USP28: variants seen among roughly 807,000 people sequenced by gnomAD.
USP28 encodes the protein ubiquitin carboxyl-terminal hydrolase 28.
Under a neutral mutation model 145.0 loss-of-function variants are expected in USP28, and 113 were observed. The ratio of observed to expected loss-of-function variants is 0.78; its 90% CI spans 0.67 to 0.91. The LOEUF (loss-of-function observed/expected upper bound fraction) is 0.91, where lower values mean the gene tolerates loss of function less well. USP28 is among the 40% of genes least tolerant of loss of function. The pLI, the probability that USP28 is intolerant of heterozygous loss-of-function variation, is 0.00. For synonymous variants in USP28, 447 were observed against 450.9 expected, an observed-to-expected ratio of 0.99 and a Z score of 0.11; for missense variants, 1,201 against 1,289.6, an observed-to-expected ratio of 0.93 and a Z score of 1.05.
At chr11:113,812,529 C>T in intron 15 of USP28, 25 bp from the exon 16 acceptor site, 2 of 1,603,466 alleles carry the variant, frequency 1.2e-6, no homozygotes, top group Non-Finnish European at 1.7e-6. Flanking sequence ...GTACATTCCC[C>T]AGTCAGGTGA....
chr11:113,822,440 C>A (rs1354259217), intron 12 of USP28: 1 of 147,476 alleles, frequency 6.8e-6, no homozygotes, highest in African/African-American at 2.6e-5. Flanking sequence ...CAAAGCGACA[C>A]TCCATCTTCA....
intron 1 of USP28, among the ~76,000 whole-genome samples, chr11:113,860,276 T>A (rs1005660277): frequency 6.6e-6 from 1 of 152,152 alleles, no homozygotes; most frequent in African/African-American, 2.4e-5. Context: ...TTTCCTGATA[T>A]CAATTGTCTA....
At chr11:113,816,515 A>AAAAC (rs1037545486) in intron 13 of USP28, among the ~76,000 whole-genome samples, 26 of 152,220 alleles carry the variant, frequency 1.7e-4, no homozygotes, top group African/African-American at 3.9e-4. Context: ...CCATCTCAAA[A>AAAAC]AAACAAACAA....
chr11:113,802,697 T>G (rs1006861083), intron 23 of USP28, among the ~76,000 whole-genome samples: 1 of 152,066 alleles, frequency 6.6e-6, no homozygotes, highest in Non-Finnish European at 1.5e-5. Flanking sequence ...ACCTTTATTT[T>G]AAAAAAATGG....
intron 3 of USP28, among the ~76,000 whole-genome samples, chr11:113,842,463 T>C (rs1188337491): frequency 6.6e-6 from 1 of 151,860 alleles, no homozygotes; most frequent in Non-Finnish European, 1.5e-5. Flanking sequence ...CGGGCGCCTG[T>C]AGTCCCAGCT....
chr11:113,815,351 C>G (rs2135486447), exon 14 of USP28: 1 of 1,614,108 alleles, frequency 6.2e-7, no homozygotes, highest in African/African-American at 1.3e-5. Context: ...AAGGTACTTT[C>G]AACATCCTGA....
intron 5 of USP28, among the ~76,000 whole-genome samples, chr11:113,837,807 G>T (rs188382038): frequency 6.6e-6 from 1 of 152,014 alleles, no homozygotes; most frequent in Non-Finnish European, 1.5e-5. Flanking sequence ...GAACATTTTC[G>T]TATCACCACA....
At chr11:113,854,465 G>C in intron 1 of USP28, 130 bp from the exon 2 acceptor site, 1 of 749,918 alleles carries the variant, frequency 1.3e-6, no homozygotes, top group Non-Finnish European at 2.1e-6. Context: ...GCAGTGGCCG[G>C]ATCTCGGCTC....
Position 113,831,058 on chromosome 11 carries a change from C to T in USP28, c.834-115G>A, listed in dbSNP as rs185617228. The stretch of plus-strand genomic sequence containing the variant: ...TGCATTTTCATCAACCCCCAAAGAG[C>T]CAGGTATGATCTAAATAAGTAACAA... On this transcript the variant is annotated intron_variant, in intron 8 of 24. Transcript: ENST00000003302. 2.3e-4 allele frequency: 221 copies of T among 967,766 alleles called. 1 individual carries two copies. In the East Asian group the frequency reaches 5.0e-3, roughly 22 times the overall value. 59.9% of individuals were successfully genotyped at this position (967,766 alleles called of 1,614,324 possible).
intron 5 of USP28, among the ~76,000 whole-genome samples, chr11:113,834,696 G>T (rs1314983406): frequency 6.6e-6 from 1 of 152,012 alleles, no homozygotes; most frequent in Non-Finnish European, 1.5e-5. Flanking sequence ...GGGATTACAA[G>T]CATAAGCCAC....
At chr11:113,809,899 G>A (rs918506948) in intron 16 of USP28, among the ~76,000 whole-genome samples, 1 of 152,146 alleles carries the variant, frequency 6.6e-6, no homozygotes, top group African/African-American at 2.4e-5. Context: ...GTCAAGCGTG[G>A]TGGCGCATGC....
In USP28 at chr11:113,866,890, T is replaced by G. The variant is rs961385204; in HGVS notation, c.57+8555A>C. On this transcript the variant is annotated intron_variant, in intron 1 of 24. Coordinates refer to ENST00000003302, the Ensembl canonical transcript of USP28. ...ATAATAACCAAAAGGTGTAAATAAC[T>G]CAAATGTCCGTCAATGGAAGAATGG... is the stretch of plus-strand genomic sequence containing the variant. Among the ~76,000 whole-genome samples, 6 of 152,278 alleles carry G rather than the reference T, an allele frequency of 3.9e-5. No homozygotes were observed. The Middle Eastern group carries it at 0.017, about 432-fold the overall frequency.
At chr11:113,807,884 T>C in intron 18 of USP28, 67 bp downstream of exon 19, 1 of 961,118 alleles carries the variant, frequency 1.0e-6, no homozygotes, top group Non-Finnish European at 1.2e-6. Context: ...GATACCTTAA[T>C]ATAGTCACAA....
chr11:113,816,195 A>G (rs765435791), intron 13 of USP28, among the ~76,000 whole-genome samples: 4 of 152,122 alleles, frequency 2.6e-5, no homozygotes, highest in Non-Finnish European at 5.9e-5. Flanking sequence ...TGAAGAATAT[A>G]AACTTCCTTT....
At chr11:113,818,853 T>C (rs1046544414) in intron 12 of USP28, among the ~76,000 whole-genome samples, 15 of 149,874 alleles carry the variant, frequency 1.0e-4, no homozygotes, top group African/African-American at 3.4e-4. Flanking sequence ...AGAGTGAGAC[T>C]CTGTCTCAAA....
At chr11:113,822,456 A>AAGAGAGAG (rs1942751318) in intron 12 of USP28, 1 of 105,110 alleles carries the variant, frequency 9.5e-6, no homozygotes, top group African/African-American at 3.7e-5. Context: ...CTTCAAAAAA[A>AAGAGAGAG]ACAGAGAGAG....
rs994929191 is a variant in USP28 at position 113,833,627 on chromosome 11, A to T, written c.622-70T>A. The T allele has an allele frequency of 2.0e-6, 3 of 1,510,708 alleles. No homozygotes were observed. In the African/African-American group the frequency reaches 4.2e-5, roughly 21 times the overall value. The allele number at this position is 1,510,708 out of a possible 1,614,324, so 93.6% of individuals were successfully genotyped here. On this transcript the variant is annotated intron_variant, in intron 6 of 24. Transcript: ENST00000003302. ...AAAATCAGAACGTGTAAAGAAAAAA[A>T]AGTTGTCAATAATCATGCCCTCATT...
intron 13 of USP28, among the ~76,000 whole-genome samples, chr11:113,816,428 G>T (rs976140979): frequency 3.3e-5 from 5 of 152,022 alleles, no homozygotes; most frequent in African/African-American, 1.2e-4. Flanking sequence ...CAGGAGAATC[G>T]CTTGAACCCA....
chr11:113,843,103 G>A (rs549055847), intron 3 of USP28, among the ~76,000 whole-genome samples: 22 of 152,238 alleles, frequency 1.4e-4, no homozygotes, highest in South Asian at 4.1e-4. Context: ...ATGGTTGCAC[G>A]TGCCTGTAAT....
Sources: allele counts gnomAD v4.1 joint callset (sites outside exome capture counted in the v4.1 genomes callset), GRCh38; gene constraint gnomAD v4.1.1; transcripts MANE v1.5; gene names NCBI Gene and HGNC (gene_info 2026-07-23, HGNC 2026-07-21).